Variants in NFASC observed in about 807,000 individuals in gnomAD.
NFASC encodes neurofascin, also known as neurofascin homolog.
NFASC carries 43 observed loss-of-function variants against 147.5 expected under a neutral mutation model. That is an observed-to-expected ratio of 0.29 (90% CI 0.23 to 0.38). The LOEUF is 0.38. Among genes scored for constraint, NFASC ranks in the 10% least tolerant of loss-of-function variants. The probability of loss-of-function intolerance (pLI) is 1.00; values close to 1 mark genes in which losing one functional copy is unlikely to be tolerated. For missense variants in NFASC, 1,320 were observed against 1,689.0 expected (o/e 0.78, Z 3.83); for synonymous variants, 622 against 665.5 (o/e 0.93, Z 1.01).
At chr1:204,942,755 G>A (rs1298284833) in intron 2 of NFASC, among the ~76,000 whole-genome samples, 1 of 152,196 alleles carries the variant, frequency 6.6e-6, no homozygotes, top group South Asian at 2.1e-4. Context: ...AGTGGGAAAG[G>A]AGGCAAGTGG....
intron 3 of NFASC, among the ~76,000 whole-genome samples, chr1:204,950,082 C>T (rs1443307790): frequency 6.6e-6 from 1 of 152,220 alleles, no homozygotes; most frequent in Non-Finnish European, 1.5e-5. Flanking sequence ...GAAATGAGGC[C>T]TTGGAGCTTT....
In NFASC at chr1:204,957,674, AAG is replaced by A. The variant is rs1162829406; in HGVS notation, c.556_557del (p.Asp186GlnfsTer8). 1 of 1,614,126 alleles carries A rather than the reference AAG, an allele frequency of 6.2e-7. No individual in the cohort carries two copies. Among genetic ancestry groups the A allele is most frequent in the Non-Finnish European group, 8.5e-7 (1 of 1,180,014 alleles). On this transcript the variant is annotated frameshift_variant, in exon 8 of 30. Coordinates refer to ENST00000339876, the MANE Select transcript of NFASC (RefSeq NM_001005388.3). LOFTEE classifies it high-confidence loss of function. ...CTTATAGCCATGGAGCCCATCACCC[AAG>A]ACAAACGTGTCTCTCAGGGCCATAA...
Position 205,001,300 on chromosome 1 carries a change from T to C in NFASC, c.3136+14T>C, listed in dbSNP as rs1166699134. The C allele has an allele frequency of 1.9e-6, 3 of 1,562,402 alleles. No homozygotes were observed. In the African/African-American group the frequency reaches 4.1e-5, roughly 21 times the overall value. ...AGTACATCGACAGTAAGCATTGCTG[T>C]GCGGGGTGGTGGTGGCGGCAGCGGC... On this transcript the variant is annotated intron_variant, in intron 26 of 29. Transcript: ENST00000339876.
chr1:204,867,600 C>T (rs1023311367), intron 1 of NFASC, among the ~76,000 whole-genome samples: 9 of 152,118 alleles, frequency 5.9e-5, no homozygotes, highest in Non-Finnish European at 7.4e-5. Context: ...TATACACAAA[C>T]GCCCACCAAG....
At chr1:205,004,674 A>T (rs998825407) in intron 27 of NFASC, among the ~76,000 whole-genome samples, 7 of 152,238 alleles carry the variant, frequency 4.6e-5, no homozygotes, top group Non-Finnish European at 8.8e-5. Flanking sequence ...CTCCAGAGCC[A>T]AGTCCATGCA....
chr1:204,839,270 G>A lies in NFASC; in HGVS notation c.-200+10488G>A, dbSNP rs142428165. ...ATAATATTTATTGAGCCCCTGCTGG[G>A]CATAAGTCTCTGTGCTCAGTACTGC... is the stretch of plus-strand genomic sequence containing the variant. On this transcript the variant is annotated intron_variant, in intron 1 of 29. Transcript: ENST00000339876. 7.4e-3 allele frequency among the ~76,000 whole-genome samples: 1,119 copies of A among 152,046 alleles called. 11 individuals carry two copies. Among genetic ancestry groups the A allele is most frequent in the African/African-American group, 0.026 (1,067 of 41,466 alleles).
chr1:204,862,199 T>G (rs1263328400), intron 1 of NFASC, among the ~76,000 whole-genome samples: 1 of 152,222 alleles, frequency 6.6e-6, no homozygotes, highest in Non-Finnish European at 1.5e-5. Context: ...CCCACCATCT[T>G]TCCCATTCTT....
At chr1:204,831,207 G>A (rs1033994681) in intron 1 of NFASC, among the ~76,000 whole-genome samples, 4 of 152,088 alleles carry the variant, frequency 2.6e-5, no homozygotes, top group Admixed American at 1.3e-4. Flanking sequence ...TTTGTGCAAT[G>A]AATTTCACCC....
At chr1:204,970,487 C>T (rs1405101486) in intron 10 of NFASC, 129 bp from the exon 11 acceptor site, 5 of 1,047,302 alleles carry the variant, frequency 4.8e-6, no homozygotes, top group African/African-American at 1.6e-5. Flanking sequence ...AGGATGAGCC[C>T]TGGGGCAGGT....
At chr1:204,966,017 A>G (rs1201074960) in intron 8 of NFASC, among the ~76,000 whole-genome samples, 1 of 152,208 alleles carries the variant, frequency 6.6e-6, no homozygotes, top group East Asian at 1.9e-4. Context: ...AGCACAGTGC[A>G]TGGTCCCTAG....
chr1:204,968,836 A>G lies in NFASC; in HGVS notation c.857A>G (p.Asp286Gly), dbSNP rs1451849546. 1 of 1,613,552 alleles carries G rather than the reference A, an allele frequency of 6.2e-7. No individual in the cohort carries two copies. The highest frequency in any genetic ancestry group is 8.5e-7 in the Non-Finnish European group (1 of 1,179,962). The change falls in exon 10 of 30, where the codon GAC becomes GGC. Residue 286 changes from aspartate to glycine, a missense_variant. This residue lies in a region of NFASC where 981 missense variants were observed against 1,289.5 expected (regional missense o/e 0.76). Transcript: ENST00000339876. This position sits in a 1 kb window ranked among gnomAD's most constrained non-coding sequence, Gnocchi z 5.4. ...PDIAWYKKGG[D>G]LPSDKAKFEN... ...ATCGCATGGTACAAGAAAGGTGGGG[A>G]CCTCCCATCTGATAAGGCCAAGTTT...
At position 204,985,434 on chromosome 1, in the gene NFASC, T is replaced by C. The variant is rs1304843327; in HGVS notation, c.2471-1984T>C. ...TTTCTCATATTCAGACTTCCGGGGG[T>C]AACTTGCTACCTTTCAACTGCTGCC... On this transcript the variant is annotated intron_variant, in intron 21 of 29. Coordinates refer to ENST00000339876, the MANE Select transcript of NFASC (RefSeq NM_001005388.3). 2.6e-5 allele frequency among the ~76,000 whole-genome samples: 4 copies of C among 152,280 alleles called. No homozygotes were observed. The East Asian group carries it at 7.7e-4, about 29-fold the overall frequency.
intron 1 of NFASC, among the ~76,000 whole-genome samples, chr1:204,905,256 T>C (rs1212306633): frequency 6.6e-6 from 1 of 152,158 alleles, no homozygotes; most frequent in Admixed American, 6.5e-5. Flanking sequence ...GGCTTATTTT[T>C]AATTGTTTGA....
chr1:204,902,640 A>G (rs2084881266), intron 1 of NFASC, among the ~76,000 whole-genome samples: 1 of 152,182 alleles, frequency 6.6e-6, no homozygotes, highest in Admixed American at 6.5e-5. Context: ...TGGGGTGTGG[A>G]TGAAGTGTGA....
At chr1:204,948,580 AAAAAC>A (rs147883938) in intron 3 of NFASC, 48,576 of 518,514 alleles carry the variant, frequency 0.094, 2,572 homozygotes, top group Middle Eastern at 0.21. Context: ...TGGATTTGTT[AAAAAC>A]AAAACAAAAC....
Position 205,007,792 on chromosome 1 carries a change from C to T in NFASC, c.3290-1765C>T, listed in dbSNP as rs77680498. ...GTGGGAGGTAGGACTAGAGAGATGGCCAGGGCCTGCTCTGATGGAGCCCGA... is the reference window on the plus strand; with the variant it reads ...GTGGGAGGTAGGACTAGAGAGATGGTCAGGGCCTGCTCTGATGGAGCCCGA... On this transcript the variant is annotated intron_variant, in intron 27 of 29. Transcript: ENST00000339876. Among the ~76,000 whole-genome samples, 423 of 152,212 alleles carry T rather than the reference C, an allele frequency of 2.8e-3. 2 individuals are homozygous for T. Among genetic ancestry groups the T allele is most frequent in the African/African-American group, 9.6e-3 (398 of 41,516 alleles).
rs976533607 is a variant in NFASC, at chr1:205,015,829, C to T, written c.3492-479C>T. Among the ~76,000 whole-genome samples, 1 of 152,020 alleles carries T rather than the reference C, an allele frequency of 6.6e-6. No homozygotes were observed. Among genetic ancestry groups the T allele is most frequent in the Non-Finnish European group, 1.5e-5 (1 of 68,004 alleles). On this transcript the variant is annotated intron_variant, in intron 29 of 29. Coordinates refer to ENST00000339876, the MANE Select transcript of NFASC (RefSeq NM_001005388.3). This position sits in a 1 kb window ranked among gnomAD's most constrained non-coding sequence, Gnocchi z 4.0. ...TTAAAAGCCTTGCTTGTTGTCAAGG[C>T]GAGAGTGTTTCCCTACAGAGTCACA...
At chr1:205,008,500 A>G (rs1265426751) in intron 27 of NFASC, 1 of 152,448 alleles carries the variant, frequency 6.6e-6, no homozygotes, top group Non-Finnish European at 1.5e-5. Flanking sequence ...CCCTTCTGTC[A>G]CAGTCTCACG....
intron 15 of NFASC, among the ~76,000 whole-genome samples, chr1:204,976,277 C>G (rs2095401477): frequency 6.6e-6 from 1 of 152,176 alleles, no homozygotes; most frequent in Non-Finnish European, 1.5e-5. Flanking sequence ...GGAGACAAGT[C>G]TGGGCTGAAG....
Sources: gnomAD v4.1 joint callset for allele counts (sites outside exome capture counted in the v4.1 genomes callset) on GRCh38, gnomAD v4.1.1 for gene constraint, gnomAD v4.1.1 regional missense constraint, Gnocchi (gnomAD v3.1) non-coding constraint, MANE v1.5 for transcripts, NCBI Gene and HGNC (gene_info 2026-07-23, HGNC 2026-07-21) for gene names.